The following PIAS1 variants were observed in gnomAD, a reference collection of about 807,000 sequenced individuals.
PIAS1 encodes E3 SUMO-protein ligase PIAS1.
In PIAS1, 6 loss-of-function variants were observed where a neutral mutation model predicts 71.3. That is an observed-to-expected ratio of 0.08 (90% CI 0.05 to 0.17). The LOEUF (loss-of-function observed/expected upper bound fraction) is 0.17. Among genes scored for constraint, PIAS1 ranks in the 10% least tolerant of loss-of-function variants. PIAS1 has a pLI of 1.00. For synonymous variants in PIAS1, 303 were observed against 292.9 expected, an observed-to-expected ratio of 1.03 and a Z score of -0.35; for missense variants, 555 against 793.6, an observed-to-expected ratio of 0.70 and a Z score of 3.61.
chr15:68,173,370 A>T lies in PIAS1; in HGVS notation c.1009-362A>T, dbSNP rs545418626. ...CAATATAGCAAGACCCCATCTGTTT[A>T]AAAAAAAAAAACTGGTGAAAGCACT... On this transcript the variant is annotated intron_variant, in intron 8 of 13. Transcript: ENST00000249636. The surrounding 1 kb of genome is among the most constrained non-coding windows in gnomAD (Gnocchi z 4.3). Among the ~76,000 whole-genome samples the T allele has an allele frequency of 9.8e-4, 140 of 142,372 alleles. No individual in the cohort carries two copies. The highest frequency in any genetic ancestry group is 3.3e-3 in the African/African-American group (126 of 38,448). 93.4% of individuals were successfully genotyped at this position (142,372 alleles called of 152,430 possible). A position where few individuals can be genotyped will look rare whatever the true frequency, so the allele number is the denominator to read the frequency against.
chr15:68,119,849 A>C (rs1326876605), intron 2 of PIAS1, among the ~76,000 whole-genome samples: 1 of 152,214 alleles, frequency 6.6e-6, no homozygotes, highest in Non-Finnish European at 1.5e-5. Flanking sequence ...TGGAAGCTCT[A>C]CTATTATGTA....
chr15:68,190,911 G>C lies in PIAS1; in HGVS notation c.*3076G>C, dbSNP rs191701794. On this transcript the variant is annotated 3_prime_UTR_variant, in exon 14 of 14. Coordinates refer to ENST00000249636, the MANE Select transcript of PIAS1 (RefSeq NM_016166.3). The surrounding 1 kb of genome is among the most constrained non-coding windows in gnomAD (Gnocchi z 4.7). ...CTCTGAAAAATCGGATTCTTTGGCAGATTTTCCTTTGAGTCAAGTGTCTGA... is the reference window on the plus strand; with the variant it reads ...CTCTGAAAAATCGGATTCTTTGGCACATTTTCCTTTGAGTCAAGTGTCTGA... 6.6e-6 allele frequency: 1 copy of C among 152,290 alleles called. No homozygotes were observed. The highest frequency in any genetic ancestry group is 6.5e-5 in the Admixed American group (1 of 15,280). 9.4% of individuals were successfully genotyped at this position (152,290 alleles called of 1,614,324 possible).
At chr15:68,094,161 T>C (rs74020030) in intron 2 of PIAS1, among the ~76,000 whole-genome samples, 4,978 of 151,970 alleles carry the variant, frequency 0.033, 199 homozygotes, top group African/African-American at 0.093. Flanking sequence ...TTCCTGTGCT[T>C]TTTTAAAGGT....
Position 68,192,970 on chromosome 15 carries a change from C to T in PIAS1, c.*5135C>T, listed in dbSNP as rs1269569915. 3.3e-5 allele frequency: 5 copies of T among 152,310 alleles called. No homozygotes were observed. Among genetic ancestry groups the T allele is most frequent in the African/African-American group, 1.2e-4 (5 of 41,450 alleles). The allele number at this position is 152,310 out of a possible 1,614,324, so 9.4% of individuals were successfully genotyped here. ...TGAATCTCTGGCAGCACCAACCTGG[C>T]ACCTTCTAGCTGTGTAACTCACTCA... On this transcript the variant is annotated 3_prime_UTR_variant, in exon 14 of 14. Coordinates refer to ENST00000249636, the MANE Select transcript of PIAS1 (RefSeq NM_016166.3).
chr15:68,095,597 C>G (rs1213036314), intron 2 of PIAS1, among the ~76,000 whole-genome samples: 1 of 144,642 alleles, frequency 6.9e-6, no homozygotes, highest in Non-Finnish European at 1.5e-5. Context: ...GTGGCATGAT[C>G]TCGGCTCACT....
intron 2 of PIAS1, among the ~76,000 whole-genome samples, chr15:68,097,792 T>G (rs1016729871): frequency 9.2e-5 from 14 of 152,198 alleles, no homozygotes; most frequent in African/African-American, 3.4e-4. Context: ...GTATAGTTTT[T>G]CCCATTATTC....
At chr15:68,072,260 C>T (rs745464077) in intron 1 of PIAS1, among the ~76,000 whole-genome samples, 1 of 150,970 alleles carries the variant, frequency 6.6e-6, no homozygotes, top group Non-Finnish European at 1.5e-5. Flanking sequence ...ATTAGCTGGG[C>T]GTGGTGGCGG....
In PIAS1 at chr15:68,174,334, GTCT is replaced by G. The variant is rs140472084; in HGVS notation, c.1169+447_1169+449del. 1.3e-3 allele frequency among the ~76,000 whole-genome samples: 197 copies of G among 152,264 alleles called. No individual in the cohort carries two copies. The highest frequency in any genetic ancestry group is 1.7e-3 in the Non-Finnish European group (114 of 68,016). ...GAGATTAGATCCACCTTCAGTCATG[GTCT>G]TCTTTTTCTTTTTTGTCTTGCCCAC... On this transcript the variant is annotated intron_variant, in intron 9 of 13. Coordinates refer to ENST00000249636, the MANE Select transcript of PIAS1 (RefSeq NM_016166.3). This position sits in a 1 kb window ranked among gnomAD's most constrained non-coding sequence, Gnocchi z 4.0.
At chr15:68,065,624 A>G (rs1032185284) in intron 1 of PIAS1, among the ~76,000 whole-genome samples, 9 of 151,166 alleles carry the variant, frequency 6.0e-5, no homozygotes, top group Non-Finnish European at 1.2e-4. Context: ...ATTTCTAGTG[A>G]TCTCTTACAA....
At chr15:68,148,495 C>T (rs1326600973) in intron 6 of PIAS1, among the ~76,000 whole-genome samples, 6 of 152,070 alleles carry the variant, frequency 3.9e-5, no homozygotes, top group Admixed American at 2.6e-4. Context: ...GTGGCACAAT[C>T]TCGGCTCATT....
At chr15:68,079,044 C>CTT (rs34874800) in intron 1 of PIAS1, among the ~76,000 whole-genome samples, 1 of 143,374 alleles carries the variant, frequency 7.0e-6, no homozygotes, top group Non-Finnish European at 1.5e-5. Flanking sequence ...GTTAATCCCT[C>CTT]TTTTTTTTTT....
chr15:68,169,222 A>C (rs1044222665), intron 8 of PIAS1, among the ~76,000 whole-genome samples: 1 of 152,366 alleles, frequency 6.6e-6, no homozygotes, highest in South Asian at 2.1e-4. Context: ...AAGGTCTGAC[A>C]TAAGATCTAA....
intron 1 of PIAS1, among the ~76,000 whole-genome samples, chr15:68,060,514 G>A (rs1040241975): frequency 6.6e-6 from 1 of 152,066 alleles, no homozygotes; most frequent in Non-Finnish European, 1.5e-5. Context: ...TCAGGAGGCT[G>A]AGGCAGGAGA....
At chr15:68,073,404 A>T (rs1294740524) in intron 1 of PIAS1, among the ~76,000 whole-genome samples, 1 of 152,216 alleles carries the variant, frequency 6.6e-6, no homozygotes, top group African/African-American at 2.4e-5. Flanking sequence ...ACTCATATTT[A>T]TTAATGATGA....
At chr15:68,058,677 G>A (rs1024046219) in intron 1 of PIAS1, among the ~76,000 whole-genome samples, 3 of 152,176 alleles carry the variant, frequency 2.0e-5, no homozygotes, top group African/African-American at 7.2e-5. Context: ...GAGTTTGTTA[G>A]TTGGAATCAT....
intron 7 of PIAS1, among the ~76,000 whole-genome samples, chr15:68,161,529 ATAATT>A (rs1293751406): frequency 6.6e-6 from 1 of 152,094 alleles, no homozygotes; most frequent in Non-Finnish European, 1.5e-5. Context: ...ACATTCTAAA[ATAATT>A]TCAGAAAATT....
chr15:68,108,945 A>G (rs1319114166), intron 2 of PIAS1, among the ~76,000 whole-genome samples: 1 of 152,162 alleles, frequency 6.6e-6, no homozygotes, highest in Non-Finnish European at 1.5e-5. Context: ...TGTTCCCTGT[A>G]TAATATTCTG....
chr15:68,122,861 T>G (rs1190785438), intron 2 of PIAS1, among the ~76,000 whole-genome samples: 1 of 152,184 alleles, frequency 6.6e-6, no homozygotes, highest in African/African-American at 2.4e-5. Flanking sequence ...AGTGATTCCC[T>G]TTCATTTAGT....
intron 2 of PIAS1, among the ~76,000 whole-genome samples, chr15:68,092,035 T>G (rs1044204842): frequency 3.9e-5 from 6 of 152,222 alleles, no homozygotes; most frequent in Non-Finnish European, 8.8e-5. Flanking sequence ...AATTTTACCT[T>G]CTCAGGGGAT....
Sources: gnomAD v4.1 joint callset for allele counts (sites outside exome capture counted in the v4.1 genomes callset) on GRCh38, gnomAD v4.1.1 for gene constraint, Gnocchi (gnomAD v3.1) non-coding constraint, MANE v1.5 for transcripts, NCBI Gene and HGNC (gene_info 2026-07-23, HGNC 2026-07-21) for gene names.